The following SLC35F4 variants were observed in gnomAD, a reference collection of about 807,000 sequenced individuals.
The protein encoded by SLC35F4 is solute carrier family 35 member F4.
SLC35F4 carries 24 observed loss-of-function variants against 44.2 expected under a neutral mutation model. That is an observed-to-expected ratio of 0.54 (90% CI 0.39 to 0.76). The LOEUF (loss-of-function observed/expected upper bound fraction) is 0.76. Among genes scored for constraint, SLC35F4 ranks in the 30% least tolerant of loss-of-function variants. SLC35F4 has a pLI of 0.00. For missense variants in SLC35F4, 562 were observed against 586.1 expected (o/e 0.96, Z 0.42); for synonymous variants, 238 against 223.6 (o/e 1.06, Z -0.57).
intron 1 of SLC35F4, among the ~76,000 whole-genome samples, chr14:57,979,226 A>T (rs1224835721): frequency 2.0e-5 from 3 of 152,170 alleles, no homozygotes; most frequent in African/African-American, 7.2e-5. Flanking sequence ...TCTGAAAACA[A>T]CCGCAGCAGC....
At chr14:57,805,778 A>C (rs1174571618) in intron 1 of SLC35F4, among the ~76,000 whole-genome samples, 1 of 152,210 alleles carries the variant, frequency 6.6e-6, no homozygotes, top group Non-Finnish European at 1.5e-5. Context: ...CCTGAACTTG[A>C]AAGTTGAAGA....
chr14:57,645,975 A>T (rs1458204854), intron 1 of SLC35F4, among the ~76,000 whole-genome samples: 2 of 152,166 alleles, frequency 1.3e-5, no homozygotes, highest in East Asian at 3.8e-4. Flanking sequence ...GATGAAGCCC[A>T]CTTGATCATG....
intron 1 of SLC35F4, among the ~76,000 whole-genome samples, chr14:57,744,821 T>C (rs897220199): frequency 1.3e-5 from 2 of 152,130 alleles, no homozygotes; most frequent in Non-Finnish European, 2.9e-5. Context: ...GGAGGCATCA[T>C]GCTACCTGAC....
intron 1 of SLC35F4, among the ~76,000 whole-genome samples, chr14:57,690,103 C>A (rs11158166): frequency 0.13 from 20,361 of 152,074 alleles, 1,639 homozygotes; most frequent in African/African-American, 0.22. Context: ...AACTTTTAAG[C>A]CTAAAATCAC....
At chr14:57,716,272 T>C (rs946569443) in intron 1 of SLC35F4, among the ~76,000 whole-genome samples, 1 of 148,494 alleles carries the variant, frequency 6.7e-6, no homozygotes, top group Non-Finnish European at 1.5e-5. Context: ...AGTTTGAGGG[T>C]ACCAGGTAAT....
chr14:57,890,963 A>G (rs2141038866), intron 1 of SLC35F4, among the ~76,000 whole-genome samples: 1 of 152,310 alleles, frequency 6.6e-6, no homozygotes, highest in East Asian at 1.9e-4. Context: ...GGAGGAAGGA[A>G]TATCAGTTGA....
chr14:57,615,098 C>G (rs977869503), intron 1 of SLC35F4, among the ~76,000 whole-genome samples: 5 of 152,166 alleles, frequency 3.3e-5, no homozygotes, highest in Non-Finnish European at 7.4e-5. Flanking sequence ...CCAGGTAGGG[C>G]TGTCTTTCCA....
Position 57,710,753 on chromosome 14 carries a change from G to T in SLC35F4, c.104-116629C>A, listed in dbSNP as rs1035204442. Among the ~76,000 whole-genome samples the T allele has an allele frequency of 2.0e-5, 3 of 152,038 alleles. No homozygotes were observed. The East Asian group carries it at 5.8e-4, about 29-fold the overall frequency. On this transcript the variant is annotated intron_variant, in intron 1 of 7. Coordinates refer to ENST00000556826, the MANE Select transcript of SLC35F4 (RefSeq NM_001306087.2). The stretch of plus-strand genomic sequence containing the variant: ...CCTATTGAATTTTGGACTCACATGG[G>T]TCCTGTAAGCCCCTTAGTTTTGGCC...
intron 1 of SLC35F4, among the ~76,000 whole-genome samples, chr14:57,655,033 C>A (rs1028404784): frequency 2.6e-5 from 4 of 152,066 alleles, no homozygotes; most frequent in Admixed American, 6.6e-5. Flanking sequence ...TCCCTTGAAC[C>A]ATTCTGGAAA....
At chr14:57,590,353 A>G (rs889195736) in intron 2 of SLC35F4, among the ~76,000 whole-genome samples, 8 of 151,996 alleles carry the variant, frequency 5.3e-5, no homozygotes, top group African/African-American at 1.9e-4. Flanking sequence ...TGATTGTACC[A>G]CTGCACTCCA....
intron 1 of SLC35F4, among the ~76,000 whole-genome samples, chr14:57,787,259 G>A (rs1019394812): frequency 3.9e-5 from 6 of 152,116 alleles, no homozygotes; most frequent in Non-Finnish European, 8.8e-5. Flanking sequence ...AGTAGTCTGG[G>A]ATTATGTTAA....
intron 1 of SLC35F4, among the ~76,000 whole-genome samples, chr14:57,750,061 C>T (rs2076847297): frequency 1.3e-5 from 2 of 152,000 alleles, no homozygotes; most frequent in African/African-American, 4.8e-5. Flanking sequence ...CACCCTGAGT[C>T]TCCAGTGTCT....
At chr14:57,921,111 T>C (rs1338900319) in intron 1 of SLC35F4, among the ~76,000 whole-genome samples, 1 of 152,232 alleles carries the variant, frequency 6.6e-6, no homozygotes, top group East Asian at 1.9e-4. Context: ...AGGAGATTGT[T>C]CATCTCACTG....
At chr14:57,624,776 A>C (rs939158052) in intron 1 of SLC35F4, among the ~76,000 whole-genome samples, 1 of 152,210 alleles carries the variant, frequency 6.6e-6, no homozygotes, top group Non-Finnish European at 1.5e-5. Context: ...AAAAACTCTC[A>C]ATAAACTAGG....
intron 1 of SLC35F4, among the ~76,000 whole-genome samples, chr14:57,849,194 G>T (rs936273255): frequency 2.0e-5 from 3 of 152,130 alleles, no homozygotes; most frequent in African/African-American, 7.2e-5. Context: ...TTTTGTTGTT[G>T]TTGTTGCCCA....
At chr14:57,869,948 G>GC (rs1427404330), upstream of SLC35F4, among the ~76,000 whole-genome samples, 1 of 152,184 alleles carries the variant, frequency 6.6e-6, no homozygotes, top group Non-Finnish European at 1.5e-5. Flanking sequence ...GCTCAAAGGG[G>GC]CTGGGTGTCT....
chr14:57,851,107 A>G (rs1235833937), intron 1 of SLC35F4, among the ~76,000 whole-genome samples: 1 of 152,220 alleles, frequency 6.6e-6, no homozygotes, highest in Non-Finnish European at 1.5e-5. Context: ...GGTGTCATGC[A>G]CATTGTCATG....
chr14:57,578,720 G>A (rs1435698434), intron 4 of SLC35F4: 1 of 152,136 alleles, frequency 6.6e-6, no homozygotes, highest in African/African-American at 2.4e-5. Flanking sequence ...TTTACAGGAT[G>A]CCTGACACTA....
intron 1 of SLC35F4, among the ~76,000 whole-genome samples, chr14:57,747,041 A>T (rs1166143153): frequency 2.6e-5 from 4 of 152,192 alleles, no homozygotes; most frequent in Non-Finnish European, 5.9e-5. Flanking sequence ...TGAGATTTTT[A>T]AAAATATACA....
Sources: gnomAD v4.1 joint callset for allele counts (sites outside exome capture counted in the v4.1 genomes callset) on GRCh38, gnomAD v4.1.1 for gene constraint, MANE v1.5 for transcripts, NCBI Gene and HGNC (gene_info 2026-07-23, HGNC 2026-07-21) for gene names.